PRRC2C: variants seen among roughly 807,000 people sequenced by gnomAD.
PRRC2C encodes protein PRRC2C.
A neutral mutation model predicts 317.2 loss-of-function variants in PRRC2C; 72 were observed. The ratio of observed to expected loss-of-function variants is 0.23; its 90% CI spans 0.19 to 0.28. PRRC2C has a LOEUF of 0.28. PRRC2C is among the 10% of genes least tolerant of loss of function. The pLI, the probability that PRRC2C is intolerant of heterozygous loss-of-function variation, is 1.00. For synonymous variants in PRRC2C, 1,296 were observed against 1,205.9 expected (o/e 1.07, Z -1.55); for missense variants, 3,074 against 3,459.7 (o/e 0.89, Z 2.80).
chr1:171,535,886 C>T, intron 13 of PRRC2C, 143 bp from the exon 14 acceptor site: 1 of 1,135,948 alleles, frequency 8.8e-7, no homozygotes, highest in Non-Finnish European at 1.2e-6. Context: ...TTTTGTCTTG[C>T]CAACTCTTAA....
chr1:171,544,688 T>C (rs1392900215), intron 16 of PRRC2C, among the ~76,000 whole-genome samples: 1 of 152,246 alleles, frequency 6.6e-6, no homozygotes, highest in East Asian at 1.9e-4. Context: ...GCCACATAGA[T>C]AGATAACAAC....
In PRRC2C at chr1:171,557,990, A is replaced by G. The variant is rs150114134; in HGVS notation, c.5878A>G (p.Ile1960Val). The G allele has an allele frequency of 7.1e-4, 1,143 of 1,613,836 alleles. 3 individuals carry two copies. The highest frequency in any genetic ancestry group is 6.4e-3 in the Middle Eastern group (39 of 6,062). ...GTCTTCAAAACAACCACCACCATCA[A>G]TTAGGCTGCCTTCAGCTCAAACACC... ...SQSSKQPPPS[I>V]RLPSAQTPNG... Residue 1960 changes from isoleucine (I) to valine (V), a missense_variant, in exon 19 of 35, where the codon ATT becomes GTT. Transcript: ENST00000647382.
Position 171,488,615 on chromosome 1 carries a change from A to G in PRRC2C, c.-58+2880A>G, listed in dbSNP as rs78992283. Among the ~76,000 whole-genome samples the G allele has an allele frequency of 3.3e-3, 508 of 152,246 alleles. 6 individuals are homozygous for G. Among genetic ancestry groups the G allele is most frequent in the African/African-American group, 0.012 (484 of 41,544 alleles). ...GTAGCTGGGACTAGAAGTGCCTACC[A>G]TTGCTCCCAGCATTGCCAGTTACAT... On this transcript the variant is annotated intron_variant, in intron 1 of 34. Coordinates refer to ENST00000647382, the MANE Select transcript of PRRC2C (RefSeq NM_001387844.1).
chr1:171,531,397 G>T (rs1159717364), intron 11 of PRRC2C, among the ~76,000 whole-genome samples: 35 of 152,190 alleles, frequency 2.3e-4, no homozygotes. Context: ...TTATCTCTGA[G>T]CTGTGGATGA....
At chr1:171,516,187 A>G (rs1043042826) in intron 5 of PRRC2C, among the ~76,000 whole-genome samples, 1 of 152,200 alleles carries the variant, frequency 6.6e-6, no homozygotes, top group Non-Finnish European at 1.5e-5. Flanking sequence ...ATGTGTAACT[A>G]TTTACTTACT....
At chr1:171,561,369 T>G (rs997836870) in intron 20 of PRRC2C, among the ~76,000 whole-genome samples, 1 of 152,186 alleles carries the variant, frequency 6.6e-6, no homozygotes, top group Non-Finnish European at 1.5e-5. Flanking sequence ...GGACTGTCAC[T>G]TGAGCCTGGG....
chr1:171,541,627 A>G lies in PRRC2C; in HGVS notation c.4161A>G (p.Pro1387=), dbSNP rs772021711. Residue 1387 remains proline, a synonymous_variant, in exon 16 of 35, where the codon CCA becomes CCG. Transcript: ENST00000647382. The surrounding 1 kb of genome is among the most constrained non-coding windows in gnomAD (Gnocchi z 4.1). ...CAAGGCAGTCAGAAGTTCCTAAACC[A>G]GAAGATGGAGAGCCGCCAAGAAGAC... ...WNPRQSEVPK[P]EDGEPPRRHE... 4.0e-5 allele frequency: 64 copies of G among 1,613,712 alleles called. 1 individual carries two copies. In the East Asian group the frequency reaches 1.3e-3, roughly 34 times the overall value.
In PRRC2C at chr1:171,535,492, G is replaced by C. The variant is rs932498676; in HGVS notation, c.1938G>C (p.Val646=). The change falls in exon 13 of 35, where the codon GTG becomes GTC. Residue 646 remains valine (V), a synonymous_variant. Coordinates refer to ENST00000647382, the MANE Select transcript of PRRC2C (RefSeq NM_001387844.1). ...GTGAAAAGGAAGCCACACCAGTGGTGCATGAAACAGAACCAGAATCAGGGT... is the reference window on the plus strand; with the variant it reads ...GTGAAAAGGAAGCCACACCAGTGGTCCATGAAACAGAACCAGAATCAGGGT... ...NRSEKEATPV[V]HETEPESGSQ... The C allele has an allele frequency of 4.3e-6, 7 of 1,614,006 alleles. No individual in the cohort carries two copies. Among genetic ancestry groups the C allele is most frequent in the Non-Finnish European group, 5.9e-6 (7 of 1,179,880 alleles).
rs754942339 is a variant in PRRC2C at position 171,591,992 on chromosome 1, A to G, written c.*145A>G. On this transcript the variant is annotated 3_prime_UTR_variant, in exon 35 of 35. Coordinates refer to ENST00000647382, the MANE Select transcript of PRRC2C (RefSeq NM_001387844.1). ...GAGATGTACAAGGGACATAGGAGCAATTTACACTGACACACAGCTGCTGTA... is the reference window on the plus strand; with the variant it reads ...GAGATGTACAAGGGACATAGGAGCAGTTTACACTGACACACAGCTGCTGTA... 2 of 1,040,550 alleles carry G rather than the reference A, an allele frequency of 1.9e-6. No individual in the cohort carries two copies. The highest frequency in any genetic ancestry group is 2.8e-6 in the Non-Finnish European group (2 of 714,136). 64.5% of individuals were successfully genotyped at this position (1,040,550 alleles called of 1,614,324 possible).
chr1:171,540,485 G>A lies in PRRC2C; in HGVS notation c.3019G>A (p.Val1007Ile). ...PRPSSNRREE[V>I]NDRPVRRSGP... ...ACCAAGCTCTAACAGAAGGGAAGAA[G>A]TTAATGATAGACCTGTGAGAAGATC... The change falls in exon 16 of 35, where the codon GTT (valine) becomes ATT (isoleucine). Residue 1007 changes from valine (V) to isoleucine (I), a missense_variant. This residue lies in a region of PRRC2C where 1,320 missense variants were observed against 1,395.7 expected (regional missense o/e 0.95). Coordinates refer to ENST00000647382, the MANE Select transcript of PRRC2C (RefSeq NM_001387844.1). 1.2e-6 allele frequency: 2 copies of A among 1,613,138 alleles called. No homozygotes were observed. Among genetic ancestry groups the A allele is most frequent in the Non-Finnish European group, 1.7e-6 (2 of 1,179,660 alleles).
chr1:171,527,636 A>G (rs1674889384), intron 10 of PRRC2C, among the ~76,000 whole-genome samples, 155 bp from the exon 11 acceptor site: 1 of 152,028 alleles, frequency 6.6e-6, no homozygotes, highest in South Asian at 2.1e-4. Context: ...GACGCCTGTA[A>G]TCCCAGGTAT....
At chr1:171,525,598 G>A (rs1674408760) in intron 10 of PRRC2C, among the ~76,000 whole-genome samples, 1 of 152,180 alleles carries the variant, frequency 6.6e-6, no homozygotes, top group Non-Finnish European at 1.5e-5. Flanking sequence ...TGTCCCTTCT[G>A]AGGGCTAAAA....
chr1:171,535,438 C>A lies in PRRC2C; in HGVS notation c.1884C>A (p.Pro628=). ...CTTTTCTTTGAGCAGAGGAGGAACC[C>A]GTTTTCACTAGACAAGACAGCAATC... ...SENSCNKEEE[P]VFTRQDSNRS... The change falls in exon 13 of 35, where the codon CCC becomes CCA. Residue 628 remains proline (P), a synonymous_variant. Coordinates refer to ENST00000647382, the MANE Select transcript of PRRC2C (RefSeq NM_001387844.1). The A allele has an allele frequency of 6.2e-7, 1 of 1,612,258 alleles. No homozygotes were observed. Among genetic ancestry groups the A allele is most frequent in the Non-Finnish European group, 8.5e-7 (1 of 1,179,346 alleles).
rs540893229 is a variant in PRRC2C, at chr1:171,513,282, A to G, written c.290+110A>G. ...TTATGCTGTCTGTATTACATATTACATATTTTATACTCTTTAAAGTCTTTT... is the reference window on the plus strand; with the variant it reads ...TTATGCTGTCTGTATTACATATTACGTATTTTATACTCTTTAAAGTCTTTT... On this transcript the variant is annotated intron_variant, in intron 3 of 34. Transcript: ENST00000647382. 7.6e-5 allele frequency: 87 copies of G among 1,151,446 alleles called. No homozygotes were observed. The African/African-American group carries it at 9.7e-4, about 13-fold the overall frequency. 71.3% of individuals were successfully genotyped at this position (1,151,446 alleles called of 1,614,324 possible).
At position 171,540,085 on chromosome 1, in the gene PRRC2C, A is replaced by G; in HGVS notation, c.2619A>G (p.Val873=). The change falls in exon 16 of 35, where the codon GTA becomes GTG. Residue 873 remains valine, a synonymous_variant. Coordinates refer to ENST00000647382, the MANE Select transcript of PRRC2C (RefSeq NM_001387844.1). ...DFIRESSEAQ[V]QKFLSRSVED... ...TCAGAGAATCAAGTGAGGCACAAGT[A>G]CAAAAGTTTTTAAGCAGATCTGTGG... 6.2e-7 allele frequency: 1 copy of G among 1,613,982 alleles called. No homozygotes were observed. The highest frequency in any genetic ancestry group is 8.5e-7 in the Non-Finnish European group (1 of 1,179,840).
chr1:171,580,087 T>A, intron 28 of PRRC2C, 123 bp downstream of exon 28: 3 of 802,600 alleles, frequency 3.7e-6, no homozygotes, highest in Non-Finnish European at 5.1e-6. Flanking sequence ...ATAAACTACA[T>A]TGGCTAATTG....
In PRRC2C at chr1:171,536,073, T is replaced by C. The variant is rs1571858473; in HGVS notation, c.2088T>C (p.Gly696=). Residue 696 remains glycine, a synonymous_variant, in exon 14 of 35, where the codon GGT becomes GGC. Coordinates refer to ENST00000647382, the MANE Select transcript of PRRC2C (RefSeq NM_001387844.1). The stretch of plus-strand genomic sequence containing the variant: ...AGTGGCAGCAGCAGCAACAGCAAGG[T>C]GTACTTCCACAGACTGTTCCTTCAC... ...QQQWQQQQQQ[G]VLPQTVPSQP... is the part of the protein sequence containing the mutation. 24 of 1,552,894 alleles carry C rather than the reference T, an allele frequency of 1.5e-5. No individual in the cohort carries two copies. The highest frequency in any genetic ancestry group is 2.0e-5 in the Non-Finnish European group (23 of 1,147,592).
chr1:171,510,827 A>G (rs531590538), intron 1 of PRRC2C: 22 of 152,276 alleles, frequency 1.4e-4, no homozygotes, highest in Admixed American at 6.5e-4. Context: ...TTCAAATTCA[A>G]TCTGATTTAG....
At position 171,515,830 on chromosome 1, in the gene PRRC2C, A is replaced by G. The variant is rs34742760; in HGVS notation, c.497A>G (p.Tyr166Cys). 13 of 1,611,034 alleles carry G rather than the reference A, an allele frequency of 8.1e-6. No homozygotes were observed. In the Admixed American group the frequency reaches 8.4e-5, roughly 10 times the overall value. ...GAAAAGGAAACAAATGATGACAACT[A>G]TGGACCTGGACCCAGTTTACGTCCA... ...KKEKETNDDN[Y>C]GPGPSLRPPN... The change falls in exon 5 of 35, where the codon TAT becomes TGT. Residue 166 changes from tyrosine (Y) to cysteine (C), a missense_variant. By Grantham distance (194) the Tyr-to-Cys change is radical. Transcript: ENST00000647382.
Sources: gnomAD v4.1 joint callset for allele counts (sites outside exome capture counted in the v4.1 genomes callset) on GRCh38, gnomAD v4.1.1 for gene constraint, gnomAD v4.1.1 regional missense constraint, Gnocchi (gnomAD v3.1) non-coding constraint, MANE v1.5 for transcripts, NCBI Gene and HGNC (gene_info 2026-07-23, HGNC 2026-07-21) for gene names.